The following DPYSL3 variants were observed in gnomAD, a reference collection of about 807,000 sequenced individuals.
DPYSL3 encodes dihydropyrimidinase like 3.
A neutral mutation model predicts 66.1 loss-of-function variants in DPYSL3; 16 were observed. That is an observed-to-expected ratio of 0.24 (90% CI 0.16 to 0.37). The LOEUF (loss-of-function observed/expected upper bound fraction) is 0.37. Ranked by LOEUF, DPYSL3 falls within the 10% of genes least tolerant of loss-of-function variation. The pLI is 1.00. For missense variants in DPYSL3, 738 were observed against 916.2 expected (o/e 0.81, Z 2.51); for synonymous variants, 338 against 345.1 (o/e 0.98, Z 0.23).
At position 147,399,156 on chromosome 5, in the gene DPYSL3, C is replaced by T; in HGVS notation, c.1549G>A (p.Val517Met). ...ATGACGAGGTCGCTGTCAGAACCCA[C>T]AGATATTCTTCCCTTGCGGGGATAC... ...NLYPRKGRIS[V>M]GSDSDLVIWD... The change falls in exon 11 of 14, where the codon GTG (valine) becomes ATG (methionine). Residue 517 changes from valine (V) to methionine (M), a missense_variant. Coordinates refer to ENST00000343218, the MANE Select transcript of DPYSL3 (RefSeq NM_001197294.2). The T allele has an allele frequency of 6.2e-7, 1 of 1,614,242 alleles. No homozygotes were observed.
chr5:147,469,357 A>G (rs960705075), intron 1 of DPYSL3, among the ~76,000 whole-genome samples: 1 of 152,258 alleles, frequency 6.6e-6, no homozygotes, highest in African/African-American at 2.4e-5. Flanking sequence ...CAACTCTGCT[A>G]GTCACACAAA....
chr5:147,442,094 C>T (rs752099597), intron 1 of DPYSL3, among the ~76,000 whole-genome samples: 16 of 152,316 alleles, frequency 1.1e-4, no homozygotes, highest in East Asian at 1.9e-4. Flanking sequence ...GGCACAGATT[C>T]GCTTTGCGGG....
chr5:147,412,802 C>A, intron 5 of DPYSL3, 114 bp from the exon 6 acceptor site: 1 of 880,766 alleles, frequency 1.1e-6, no homozygotes, highest in South Asian at 1.4e-5. Flanking sequence ...GGAAATAAGT[C>A]ACTAGGGCAG....
At chr5:147,436,896 G>A (rs1581193824) in intron 1 of DPYSL3, among the ~76,000 whole-genome samples, 1 of 152,316 alleles carries the variant, frequency 6.6e-6, no homozygotes, top group East Asian at 1.9e-4. Flanking sequence ...TGAAGTGTAA[G>A]ACTAAGAATA....
chr5:147,437,121 C>T (rs563539674), intron 1 of DPYSL3, among the ~76,000 whole-genome samples: 3 of 152,306 alleles, frequency 2.0e-5, no homozygotes, highest in South Asian at 2.1e-4. Flanking sequence ...TGATCCCCTT[C>T]GCCTTTCCAA....
intron 1 of DPYSL3, among the ~76,000 whole-genome samples, chr5:147,451,504 C>G (rs1752728026): frequency 6.6e-6 from 1 of 152,148 alleles, no homozygotes; most frequent in African/African-American, 2.4e-5. Flanking sequence ...GCTCCTAAGG[C>G]AAGTTATCAA....
chr5:147,439,138 G>A (rs937060200), intron 1 of DPYSL3, among the ~76,000 whole-genome samples: 1 of 152,194 alleles, frequency 6.6e-6, no homozygotes, highest in Admixed American at 6.5e-5. Flanking sequence ...CCTGTTCACA[G>A]TACTATTGAT....
chr5:147,487,767 A>G (rs79347704), intron 1 of DPYSL3, among the ~76,000 whole-genome samples: 1,656 of 152,312 alleles, frequency 0.011, 13 homozygotes, highest in Middle Eastern at 0.037. Flanking sequence ...ATTCTAGATC[A>G]TTGAGAGCTA....
Position 147,510,055 on chromosome 5 carries a change from C to G in DPYSL3, c.-197G>C. On this transcript the variant is annotated 5_prime_UTR_variant, in exon 1 of 14. Coordinates refer to ENST00000343218, the MANE Select transcript of DPYSL3 (RefSeq NM_001197294.2). ...CCACACAGCCAGCTAGCGCGCGGAG[C>G]AGGGGCCCAGAGTAGCGCCGCGCTT... is the stretch of plus-strand genomic sequence containing the variant. 3 of 918,006 alleles carry G rather than the reference C, an allele frequency of 3.3e-6. No individual in the cohort carries two copies. Among genetic ancestry groups the G allele is most frequent in the Non-Finnish European group, 4.7e-6 (3 of 642,894 alleles). The allele number at this position is 918,006 out of a possible 1,614,324, so 56.9% of individuals were successfully genotyped here.
At chr5:147,397,361 C>T (rs1015731915) in intron 12 of DPYSL3, among the ~76,000 whole-genome samples, 1 of 151,768 alleles carries the variant, frequency 6.6e-6, no homozygotes, top group Non-Finnish European at 1.5e-5. Flanking sequence ...CTTGAAGAGT[C>T]ATTTATTTTT....
chr5:147,401,362 A>G (rs1018065834), intron 9 of DPYSL3, among the ~76,000 whole-genome samples, 178 bp downstream of exon 9: 1 of 152,240 alleles, frequency 6.6e-6, no homozygotes, highest in African/African-American at 2.4e-5. Flanking sequence ...TAATGTTTAA[A>G]ACAGGATGGG....
chr5:147,412,626 A>G lies in DPYSL3; in HGVS notation c.945T>C (p.Asn315=), dbSNP rs749400341. 1.9e-6 allele frequency: 3 copies of G among 1,612,822 alleles called. No individual in the cohort carries two copies. The highest frequency in any genetic ancestry group is 2.2e-5 in the East Asian group (1 of 44,860). ...LGAIAQVHAE[N]GDIIAQEQTR... ...GTGTTACCTGGGCAATGATATCCCC[A>G]TTCTCAGCATGAACTTGAGCAATGG... Residue 315 remains asparagine, a synonymous_variant, in exon 6 of 14, where the codon AAT becomes AAC. Transcript: ENST00000343218.
intron 6 of DPYSL3, among the ~76,000 whole-genome samples, 173 bp from the exon 7 acceptor site, chr5:147,408,969 A>G (rs889555728): frequency 2.0e-5 from 3 of 152,258 alleles, no homozygotes; most frequent in Non-Finnish European, 4.4e-5. Context: ...AAGGATAAAA[A>G]GAAAAAACAT....
intron 1 of DPYSL3, among the ~76,000 whole-genome samples, chr5:147,482,851 T>G (rs1206444552): frequency 2.0e-5 from 3 of 152,200 alleles, no homozygotes; most frequent in Non-Finnish European, 2.9e-5. Flanking sequence ...CAAAGGAAAC[T>G]TATAATCGTG....
chr5:147,419,501 T>C (rs555666626), intron 2 of DPYSL3, among the ~76,000 whole-genome samples: 2 of 152,340 alleles, frequency 1.3e-5, no homozygotes, highest in East Asian at 3.9e-4. Context: ...GCTTGGCTTA[T>C]ACGTGGTATC....
intron 7 of DPYSL3, among the ~76,000 whole-genome samples, chr5:147,406,899 T>C (rs1758336678): frequency 6.6e-6 from 1 of 152,180 alleles, no homozygotes; most frequent in Admixed American, 6.5e-5. Context: ...CAGACAGACC[T>C]AAGAACTTGG....
chr5:147,461,928 A>C (rs1294388956), intron 1 of DPYSL3, among the ~76,000 whole-genome samples: 1 of 152,064 alleles, frequency 6.6e-6, no homozygotes, highest in Non-Finnish European at 1.5e-5. Context: ...AAGCTCCAAA[A>C]CCGAACCCCT....
chr5:147,434,219 G>C (rs1020654993), intron 1 of DPYSL3, among the ~76,000 whole-genome samples: 1 of 152,166 alleles, frequency 6.6e-6, no homozygotes, highest in Non-Finnish European at 1.5e-5. Context: ...TGTAGCTCAG[G>C]ACCAGAGTAT....
chr5:147,455,517 GT>G (rs1752834767), intron 1 of DPYSL3, among the ~76,000 whole-genome samples: 1 of 152,186 alleles, frequency 6.6e-6, no homozygotes, highest in African/African-American at 2.4e-5. Flanking sequence ...TTCTTAAAGC[GT>G]AAGTGCTGAG....
Sources: allele counts gnomAD v4.1 joint callset (sites outside exome capture counted in the v4.1 genomes callset), GRCh38; gene constraint gnomAD v4.1.1; transcripts MANE v1.5; gene names NCBI Gene and HGNC (gene_info 2026-07-23, HGNC 2026-07-21).